AOAH: variants seen among roughly 807,000 people sequenced by gnomAD.
The protein encoded by AOAH is acyloxyacyl hydrolase (neutrophil).
AOAH carries 64 observed loss-of-function variants against 92.2 expected under a neutral mutation model. The observed-to-expected ratio is 0.69, with a 90% CI of 0.57 to 0.86. The LOEUF (loss-of-function observed/expected upper bound fraction) is 0.86, where lower values mean the gene tolerates loss of function less well. Ranked by LOEUF, AOAH falls within the 40% of genes least tolerant of loss-of-function variation. The probability of loss-of-function intolerance (pLI) is 0.00; values close to 1 mark genes in which losing one functional copy is unlikely to be tolerated. For missense variants in AOAH, 656 were observed against 694.6 expected, an observed-to-expected ratio of 0.94 and a Z score of 0.62; for synonymous variants, 263 against 254.5, an observed-to-expected ratio of 1.03 and a Z score of -0.32.
At chr7:36,691,669 T>C (rs952999024) in intron 1 of AOAH, among the ~76,000 whole-genome samples, 5 of 152,158 alleles carry the variant, frequency 3.3e-5, no homozygotes, top group African/African-American at 1.2e-4. Flanking sequence ...ACCCATGGAA[T>C]GGAATAACAA....
At chr7:36,542,329 T>C (rs59564654) in intron 15 of AOAH, among the ~76,000 whole-genome samples, 11,409 of 152,262 alleles carry the variant, frequency 0.075, 511 homozygotes, top group Non-Finnish European at 0.084. Flanking sequence ...TCTTGGACTT[T>C]AAGCATCCAG....
chr7:36,689,413 G>A (rs10228085), intron 1 of AOAH, among the ~76,000 whole-genome samples: 2,797 of 152,190 alleles, frequency 0.018, 98 homozygotes, highest in African/African-American at 0.065. Context: ...AAATCAAGGC[G>A]CCAGCTGATT....
chr7:36,620,797 T>C lies in AOAH; in HGVS notation c.686A>G (p.Asn229Ser). The stretch of plus-strand genomic sequence containing the variant: ...GTTGCTTACCCAAATGCCATTACAG[T>C]TTGAATCCTGATGGACATCCCAGTT... ...PNNWDVHQDS[N>S]CNGIWGVDPK... Residue 229 changes from asparagine to serine, a missense_variant, in exon 9 of 21, where the codon AAC becomes AGC. Physicochemically the swap from Asn to Ser is conservative, Grantham distance 46. Coordinates refer to ENST00000617537, the MANE Select transcript of AOAH (RefSeq NM_001637.4). The C allele has an allele frequency of 2.5e-6, 4 of 1,613,906 alleles. No homozygotes were observed. The highest frequency in any genetic ancestry group is 3.4e-6 in the Non-Finnish European group (4 of 1,179,874).
At chr7:36,655,289 G>A (rs1434011828) in intron 4 of AOAH, among the ~76,000 whole-genome samples, 1 of 152,168 alleles carries the variant, frequency 6.6e-6, no homozygotes, top group Non-Finnish European at 1.5e-5. Flanking sequence ...CATTATAAGT[G>A]CTCAAACAGT....
rs3053536 is a variant in AOAH at position 36,617,590 on chromosome 7, G to GTGAA, written c.751+703_751+706dup. Among the ~76,000 whole-genome samples, 1,183 of 152,304 alleles carry GTGAA rather than the reference G, an allele frequency of 7.8e-3. 18 individuals are homozygous for GTGAA. The highest frequency in any genetic ancestry group is 0.026 in the African/African-American group (1,089 of 41,544). ...TGTTCAGAAAATACCTGTTGAATGA[G>GTGAA]TGAATGAATGAATGAATGAATGAGG... On this transcript the variant is annotated intron_variant, in intron 10 of 20. Coordinates refer to ENST00000617537, the MANE Select transcript of AOAH (RefSeq NM_001637.4).
At chr7:36,584,732 A>G (rs1337918506) in intron 12 of AOAH, among the ~76,000 whole-genome samples, 1 of 152,208 alleles carries the variant, frequency 6.6e-6, no homozygotes, top group Non-Finnish European at 1.5e-5. Context: ...TTTACATATC[A>G]CATCATGCAG....
At chr7:36,620,667 G>A (rs552350006) in intron 9 of AOAH, 114 bp downstream of exon 9, 1 of 925,236 alleles carries the variant, frequency 1.1e-6, no homozygotes, top group African/African-American at 1.7e-5. Flanking sequence ...CAGGAAAAGA[G>A]TTGCTTTAGG....
At chr7:36,606,799 T>G (rs1791039719) in intron 11 of AOAH, among the ~76,000 whole-genome samples, 1 of 152,186 alleles carries the variant, frequency 6.6e-6, no homozygotes, top group Non-Finnish European at 1.5e-5. Context: ...TGTTTTTGGA[T>G]TTGCTCTTCA....
chr7:36,535,097 TTTGTG>T (rs1562543573), intron 16 of AOAH, among the ~76,000 whole-genome samples: 2 of 53,268 alleles, frequency 3.8e-5, no homozygotes, highest in African/African-American at 9.1e-5. Context: ...TGTGTGTGTG[TTTGTG>T]TGTGTCTGTG....
chr7:36,712,877 A>T (rs1183659770), intron 1 of AOAH, among the ~76,000 whole-genome samples: 2 of 152,240 alleles, frequency 1.3e-5, no homozygotes, highest in Non-Finnish European at 2.9e-5. Context: ...CTGCAAAAAC[A>T]TGACAAATTT....
chr7:36,601,100 T>G (rs1432239559), intron 11 of AOAH, among the ~76,000 whole-genome samples: 1 of 152,196 alleles, frequency 6.6e-6, no homozygotes, highest in Non-Finnish European at 1.5e-5. Context: ...CAGTGGGGTC[T>G]GGCAGAGGAA....
chr7:36,632,008 C>T, intron 6 of AOAH, 28 bp downstream of exon 6: 6 of 1,574,414 alleles, frequency 3.8e-6, no homozygotes, highest in Non-Finnish European at 4.3e-6. Context: ...CATGCTAGTG[C>T]TCAGGAAGGT....
At chr7:36,526,071 CA>C (rs1266052280) in intron 19 of AOAH, among the ~76,000 whole-genome samples, 1 of 152,184 alleles carries the variant, frequency 6.6e-6, no homozygotes, top group East Asian at 1.9e-4. Context: ...TCGATGATAA[CA>C]CATTCCTGCC....
Position 36,686,800 on chromosome 7 carries a change from A to G in AOAH, c.128-6T>C. 1 of 1,527,856 alleles carries G rather than the reference A, an allele frequency of 6.5e-7. No homozygotes were observed. The highest frequency in any genetic ancestry group is 8.8e-7 in the Non-Finnish European group (1 of 1,136,900). The allele number at this position is 1,527,856 out of a possible 1,614,324, so 94.6% of individuals were successfully genotyped here. On this transcript the variant is annotated splice_region_variant and splice_polypyrimidine_tract_variant and intron_variant, in intron 1 of 20. Coordinates refer to ENST00000617537, the MANE Select transcript of AOAH (RefSeq NM_001637.4). ...AGACACCACCAGCACACACCCTGCC[A>G]GGGAGGAGAAGAACATGTAATCTGT...
At chr7:36,679,442 G>A (rs1421813984) in intron 2 of AOAH, among the ~76,000 whole-genome samples, 3 of 151,400 alleles carry the variant, frequency 2.0e-5, no homozygotes, top group African/African-American at 7.3e-5. Flanking sequence ...GTTCAGCTGA[G>A]ATTAAAATAC....
At chr7:36,670,578 G>T (rs1383990932) in intron 3 of AOAH, among the ~76,000 whole-genome samples, 1 of 152,118 alleles carries the variant, frequency 6.6e-6, no homozygotes, top group East Asian at 1.9e-4. Flanking sequence ...GGGCTCAAGC[G>T]ATTCCCCTGC....
rs1361384049 is a variant in AOAH, at chr7:36,516,099, CCACA to C, written c.1600-2723_1600-2720del. ...ACGCCACATACACACCATACACACACCACACAGATACATCACACACACACCACAC... is the reference window on the plus strand; with the variant it reads ...ACGCCACATACACACCATACACACACCAGATACATCACACACACACCACAC... On this transcript the variant is annotated intron_variant, in intron 20 of 20. Transcript: ENST00000617537. This position sits in a 1 kb window ranked among gnomAD's most constrained non-coding sequence, Gnocchi z 5.0. 3.4e-5 allele frequency among the ~76,000 whole-genome samples: 5 copies of C among 148,680 alleles called. No homozygotes were observed. The highest frequency in any genetic ancestry group is 1.2e-4 in the African/African-American group (5 of 40,476).
At chr7:36,557,817 C>A (rs1364073186) in intron 13 of AOAH, among the ~76,000 whole-genome samples, 69 of 152,208 alleles carry the variant, frequency 4.5e-4, no homozygotes, top group East Asian at 4.4e-3. Flanking sequence ...AGTTCTCGAG[C>A]CTTGGCTTTC....
chr7:36,720,189 G>A (rs772720840), intron 1 of AOAH, among the ~76,000 whole-genome samples: 10 of 151,380 alleles, frequency 6.6e-5, no homozygotes, highest in South Asian at 2.1e-4. Flanking sequence ...TCGCTCTGTC[G>A]CCCAGGCTGG....
Sources: gnomAD v4.1 joint callset for allele counts (sites outside exome capture counted in the v4.1 genomes callset) on GRCh38, gnomAD v4.1.1 for gene constraint, Gnocchi (gnomAD v3.1) non-coding constraint, MANE v1.5 for transcripts, NCBI Gene and HGNC (gene_info 2026-07-23, HGNC 2026-07-21) for gene names.